The following MGRN1 variants were observed in gnomAD, a reference collection of about 807,000 sequenced individuals.
MGRN1 encodes the protein E3 ubiquitin-protein ligase MGRN1.
A neutral mutation model predicts 69.2 loss-of-function variants in MGRN1; 29 were observed. The ratio of observed to expected loss-of-function variants is 0.42; its 90% CI spans 0.31 to 0.57. MGRN1 has a LOEUF of 0.57. Ranked by LOEUF, MGRN1 falls within the 20% of genes least tolerant of loss-of-function variation. The pLI is 0.15. For missense variants in MGRN1, 998 were observed against 796.2 expected, an observed-to-expected ratio of 1.25 and a Z score of -3.05; for synonymous variants, 470 against 344.2, an observed-to-expected ratio of 1.37 and a Z score of -4.04.
At chr16:4,682,137 G>C (rs1006455006) in intron 13 of MGRN1, among the ~76,000 whole-genome samples, 1 of 152,206 alleles carries the variant, frequency 6.6e-6, no homozygotes, top group Non-Finnish European at 1.5e-5. Context: ...GGCTGGCCAC[G>C]TAGGCCCACT....
At chr16:4,683,538 G>C (rs1036033868) in intron 15 of MGRN1, among the ~76,000 whole-genome samples, 1 of 144,576 alleles carries the variant, frequency 6.9e-6, no homozygotes, top group African/African-American at 2.5e-5. Context: ...AAACATGAGC[G>C]TGTAATGTTT....
intron 1 of MGRN1, chr16:4,649,985 G>C: frequency 6.0e-6 from 1 of 167,674 alleles, no homozygotes; most frequent in South Asian, 1.2e-4. Flanking sequence ...GTTCCCACCA[G>C]GCTGTGTTCA....
At chr16:4,675,257 C>T (rs1166301152) in intron 10 of MGRN1, among the ~76,000 whole-genome samples, 4 of 152,074 alleles carry the variant, frequency 2.6e-5, no homozygotes, top group African/African-American at 9.7e-5. Context: ...ACAGGCAGAG[C>T]CACAGGGCCC....
chr16:4,636,159 T>G (rs1898278368), intron 1 of MGRN1, among the ~76,000 whole-genome samples: 1 of 152,096 alleles, frequency 6.6e-6, no homozygotes, highest in Non-Finnish European at 1.5e-5. Context: ...TGATAAATGA[T>G]CACAAAATGA....
At chr16:4,639,163 C>T (rs917390512) in intron 1 of MGRN1, among the ~76,000 whole-genome samples, 3 of 151,994 alleles carry the variant, frequency 2.0e-5, no homozygotes, top group African/African-American at 7.3e-5. Context: ...GCGGGGAGGT[C>T]ATGAGGATGC....
intron 1 of MGRN1, among the ~76,000 whole-genome samples, chr16:4,630,117 T>C (rs576665932): frequency 1.4e-5 from 2 of 146,420 alleles, no homozygotes; most frequent in Non-Finnish European, 3.0e-5. Context: ...TTTGGGAGAC[T>C]GAGATGGGTG....
intron 16 of MGRN1, chr16:4,686,303 G>A (rs768708585): frequency 3.7e-5 from 57 of 1,544,774 alleles, no homozygotes; most frequent in Non-Finnish European, 5.0e-5. Context: ...CGAGTAAGCC[G>A]GTACGTGACC....
chr16:4,687,949 G>A (rs117845654), intron 16 of MGRN1: 22,400 of 985,646 alleles, frequency 0.023, 297 homozygotes, highest in Non-Finnish European at 0.025. Context: ...CCTTTCAGAC[G>A]GCCCCGGCCT....
chr16:4,627,596 G>A, intron 1 of MGRN1, among the ~76,000 whole-genome samples: 1 of 151,938 alleles, frequency 6.6e-6, no homozygotes, highest in East Asian at 1.9e-4. Context: ...GACCATCCTG[G>A]CTAACACGGG....
chr16:4,624,944 C>G lies in MGRN1; in HGVS notation c.-17C>G. 5 of 1,529,722 alleles carry G rather than the reference C, an allele frequency of 3.3e-6. No homozygotes were observed. The highest frequency in any genetic ancestry group is 4.4e-6 in the Non-Finnish European group (5 of 1,140,496). The allele number at this position is 1,529,722 out of a possible 1,614,324, so 94.8% of individuals were successfully genotyped here. A position where few individuals can be genotyped will look rare whatever the true frequency, so the allele number is the denominator to read the frequency against. On this transcript the variant is annotated 5_prime_UTR_variant, in exon 1 of 17. Coordinates refer to ENST00000262370, the MANE Select transcript of MGRN1 (RefSeq NM_015246.4). ...CCGTTCCGGCCCTGGCCCCTCTGCC[C>G]GGCAGCGCCGCGCACCATGGGCTCC...
Position 4,668,283 on chromosome 16 carries a change from T to C in MGRN1, c.697T>C (p.Ser233Pro). ...AFEKHMDGSF[S>P]VKPLKQKQIV... ...CCTGCAGCACATGGACGGCAGCTTC[T>C]CTGTGAAGCCTTTAAAGCAGAAGCA... Residue 233 changes from serine (S) to proline (P), a missense_variant, in exon 8 of 17, where the codon TCT becomes CCT. Coordinates refer to ENST00000262370, the MANE Select transcript of MGRN1 (RefSeq NM_015246.4). 6.2e-7 allele frequency: 1 copy of C among 1,614,108 alleles called. No individual in the cohort carries two copies. Among genetic ancestry groups the C allele is most frequent in the East Asian group, 2.2e-5 (1 of 44,884 alleles).
chr16:4,664,951 C>T (rs921584162), intron 6 of MGRN1, 151 bp from the exon 7 acceptor site: 2 of 1,142,432 alleles, frequency 1.8e-6, no homozygotes. Flanking sequence ...GTGGAAAGTG[C>T]AGGAGGGCAG....
chr16:4,636,708 A>T (rs900947361), intron 1 of MGRN1, among the ~76,000 whole-genome samples: 1 of 151,908 alleles, frequency 6.6e-6, no homozygotes, highest in African/African-American at 2.4e-5. Context: ...TTCCACCTTG[A>T]ATTTCTCATT....
At position 4,648,328 on chromosome 16, in the gene MGRN1, G is replaced by A. The variant is rs557082994; in HGVS notation, c.89-2037G>A. On this transcript the variant is annotated intron_variant, in intron 1 of 16. Transcript: ENST00000262370. ...CCGCGGGCTCTTCCCGTGGTCACCC[G>A]GCTCCTCCTCTCGGGGACTCTTCCC... is the stretch of plus-strand genomic sequence containing the variant. 2.4e-4 allele frequency among the ~76,000 whole-genome samples: 34 copies of A among 140,912 alleles called. 2 individuals carry two copies. Among genetic ancestry groups the A allele is most frequent in the African/African-American group, 6.3e-4 (22 of 34,920 alleles). The allele number at this position is 140,912 out of a possible 152,430, so 92.4% of individuals were successfully genotyped here.
At chr16:4,626,881 T>A (rs1341765509) in intron 1 of MGRN1, among the ~76,000 whole-genome samples, 4 of 152,230 alleles carry the variant, frequency 2.6e-5, no homozygotes, top group Non-Finnish European at 5.9e-5. Context: ...TGGGTCATGT[T>A]GCCAGTGCCA....
At chr16:4,658,663 C>A (rs1353233718) in intron 5 of MGRN1, among the ~76,000 whole-genome samples, 1 of 151,752 alleles carries the variant, frequency 6.6e-6, no homozygotes, top group Non-Finnish European at 1.5e-5. Context: ...TGGCTGTGTT[C>A]CTGACGTTTA....
At chr16:4,645,548 G>A (rs1185467916) in intron 1 of MGRN1, among the ~76,000 whole-genome samples, 2 of 152,208 alleles carry the variant, frequency 1.3e-5, no homozygotes, top group African/African-American at 4.8e-5. Context: ...GCTGAAAAGT[G>A]CTGTGGAGAA....
At chr16:4,638,230 G>T (rs535754196) in intron 1 of MGRN1, among the ~76,000 whole-genome samples, 1 of 152,230 alleles carries the variant, frequency 6.6e-6, no homozygotes, top group East Asian at 1.9e-4. Context: ...ACTTTGGGAG[G>T]CCGAGGCGGG....
At chr16:4,686,472 C>T in intron 16 of MGRN1, 1 of 1,395,884 alleles carries the variant, frequency 7.2e-7, no homozygotes, top group Non-Finnish European at 9.3e-7. Context: ...GTGGCTGCTG[C>T]ACCTTCCCCC....
Sources: gnomAD v4.1 joint callset for allele counts (sites outside exome capture counted in the v4.1 genomes callset) on GRCh38, gnomAD v4.1.1 for gene constraint, MANE v1.5 for transcripts, NCBI Gene and HGNC (gene_info 2026-07-23, HGNC 2026-07-21) for gene names.